SAMMSON: variants seen among roughly 807,000 people sequenced by gnomAD.
The protein encoded by SAMMSON is long intergenic non-protein coding RNA 1212.
chr3:70,320,114 G>A (rs1248477118), intron 7 of SAMMSON, among the ~76,000 whole-genome samples: 2 of 152,056 alleles, frequency 1.3e-5, no homozygotes, highest in East Asian at 3.9e-4. Flanking sequence ...CTTGAGAGAA[G>A]TGCTGAGGAC....
chr3:70,345,472 A>C lies in SAMMSON; in HGVS notation n.740-8703A>C, dbSNP rs72947157. ...GTTTTGTCCCATTTTGCATTTTATC[A>C]TTTGATTCTCTAACCTCCTAAATAA... is the stretch of plus-strand genomic sequence containing the variant. On this transcript the variant is annotated intron_variant and non_coding_transcript_variant, in intron 7 of 9. Coordinates refer to ENST00000642114, the Ensembl canonical transcript of SAMMSON. Among the ~76,000 whole-genome samples the C allele has an allele frequency of 4.3e-3, 655 of 152,318 alleles. 3 individuals are homozygous for C. Among genetic ancestry groups the C allele is most frequent in the African/African-American group, 0.015 (604 of 41,588 alleles).
intron 3 of SAMMSON, among the ~76,000 whole-genome samples, chr3:70,038,430 A>G (rs2067094480): frequency 6.6e-6 from 1 of 152,072 alleles, no homozygotes; most frequent in Admixed American, 6.6e-5. Context: ...CCCTCACCAG[A>G]TGCAGCTACC....
chr3:70,018,015 T>C (rs1369882396), intron 3 of SAMMSON, among the ~76,000 whole-genome samples: 1 of 152,204 alleles, frequency 6.6e-6, no homozygotes, highest in Non-Finnish European at 1.5e-5. Context: ...TTTGCATCGA[T>C]GTTCATCAGG....
chr3:70,182,785 C>A (rs1048835325), intron 4 of SAMMSON, among the ~76,000 whole-genome samples: 45 of 152,146 alleles, frequency 3.0e-4, no homozygotes, highest in Non-Finnish European at 7.4e-5. Context: ...TTCCCACCTG[C>A]ATGCATGTTC....
intron 4 of SAMMSON, among the ~76,000 whole-genome samples, chr3:70,167,574 T>C (rs2067642835): frequency 6.6e-6 from 1 of 151,924 alleles, no homozygotes; most frequent in Admixed American, 6.6e-5. Flanking sequence ...GAGAAAAATA[T>C]GGCCAGAGTA....
chr3:70,410,190 G>A (rs904834802), intron 2 of SAMMSON, among the ~76,000 whole-genome samples: 1 of 152,170 alleles, frequency 6.6e-6, no homozygotes, highest in Non-Finnish European at 1.5e-5. Context: ...CGGCATCCAT[G>A]TTGCCTTCCT....
At chr3:70,066,115 C>T (rs1464966170) in intron 3 of SAMMSON, among the ~76,000 whole-genome samples, 1 of 151,982 alleles carries the variant, frequency 6.6e-6, no homozygotes, top group Non-Finnish European at 1.5e-5. Context: ...TCAAATGGTG[C>T]CTCGGGTTGC....
intron 7 of SAMMSON, among the ~76,000 whole-genome samples, chr3:70,326,539 C>A (rs757904046): frequency 3.9e-5 from 6 of 152,258 alleles, no homozygotes; most frequent in Non-Finnish European, 8.8e-5. Flanking sequence ...GACTTAACAG[C>A]TCTGAGGTCC....
At chr3:70,287,264 T>C (rs1214252820) in intron 6 of SAMMSON, among the ~76,000 whole-genome samples, 1 of 140,844 alleles carries the variant, frequency 7.1e-6, no homozygotes, top group Non-Finnish European at 1.5e-5. Flanking sequence ...GTTTTTAGCA[T>C]GAAGGGTTGT....
chr3:70,257,254 T>A (rs1359362893), intron 6 of SAMMSON, among the ~76,000 whole-genome samples: 1 of 152,218 alleles, frequency 6.6e-6, no homozygotes, highest in East Asian at 1.9e-4. Flanking sequence ...ACCTGGCACA[T>A]CTGGCCATTC....
intron 3 of SAMMSON, among the ~76,000 whole-genome samples, chr3:70,023,015 C>A (rs997097514): frequency 6.6e-6 from 1 of 152,152 alleles, no homozygotes; most frequent in Non-Finnish European, 1.5e-5. Context: ...CCTATTAATA[C>A]AGTATTCCAC....
At chr3:70,207,904 AT>A (rs1278836656) in intron 4 of SAMMSON, among the ~76,000 whole-genome samples, 5 of 151,944 alleles carry the variant, frequency 3.3e-5, no homozygotes, top group African/African-American at 1.2e-4. Context: ...CTGCCATGTA[AT>A]GATTGGGAGT....
At chr3:70,006,708 G>A (rs913668526) in intron 1 of SAMMSON, among the ~76,000 whole-genome samples, 1 of 151,622 alleles carries the variant, frequency 6.6e-6, no homozygotes, top group Non-Finnish European at 1.5e-5. Context: ...TGCACAACGT[G>A]CAGGTTAGTT....
At chr3:70,362,194 T>G (rs1702876635) in intron 9 of SAMMSON, among the ~76,000 whole-genome samples, 1 of 152,096 alleles carries the variant, frequency 6.6e-6, no homozygotes, top group Admixed American at 6.6e-5. Flanking sequence ...GGATGATAAG[T>G]GGTGGTTTAG....
At chr3:70,000,324 C>T (rs2107572972) in intron 1 of SAMMSON, among the ~76,000 whole-genome samples, 1 of 152,260 alleles carries the variant, frequency 6.6e-6, no homozygotes. Flanking sequence ...CCATCACACG[C>T]CCTGAGAGGA....
chr3:70,298,155 G>A (rs750573728), intron 7 of SAMMSON, among the ~76,000 whole-genome samples: 2 of 152,012 alleles, frequency 1.3e-5, no homozygotes, highest in Non-Finnish European at 2.9e-5. Context: ...GTTAGATTTG[G>A]CATCTAAATA....
intron 4 of SAMMSON, chr3:70,125,592 A>G (rs1419444105): frequency 4.3e-6 from 3 of 697,202 alleles, no homozygotes; most frequent in East Asian, 2.7e-5. Context: ...TTTTCTCACA[A>G]TTTTGTTTCT....
chr3:70,012,261 C>T (rs774272032), intron 1 of SAMMSON: 6 of 152,116 alleles, frequency 3.9e-5, no homozygotes, highest in Non-Finnish European at 8.8e-5. Context: ...TCCTTGGAAC[C>T]TCTGACTTTG....
At chr3:70,006,596 T>G (rs1051243845) in intron 1 of SAMMSON, among the ~76,000 whole-genome samples, 3 of 152,182 alleles carry the variant, frequency 2.0e-5, no homozygotes, top group Non-Finnish European at 4.4e-5. Flanking sequence ...AAACCACAGC[T>G]TATCAGGAGC....
Sources: gnomAD v4.1 joint callset for allele counts (sites outside exome capture counted in the v4.1 genomes callset) on GRCh38, gnomAD v4.1.1 for gene constraint, MANE v1.5 for transcripts, NCBI Gene and HGNC (gene_info 2026-07-23, HGNC 2026-07-21) for gene names.